The following SCHIP1 variants were observed in gnomAD, a reference collection of about 807,000 sequenced individuals.
The protein encoded by SCHIP1 is schwannomin interacting protein 1, also known as schwannomin-interacting protein 1.
SCHIP1 carries 8 observed loss-of-function variants against 29.7 expected under a neutral mutation model. The observed-to-expected ratio is 0.27, with a 90% confidence interval of 0.16 to 0.49. The LOEUF (loss-of-function observed/expected upper bound fraction) is 0.49, where lower values mean the gene tolerates loss of function less well. Ranked by LOEUF, SCHIP1 falls within the 20% of genes least tolerant of loss-of-function variation. The pLI, the probability that SCHIP1 is intolerant of heterozygous loss-of-function variation, is 0.99. For missense variants in SCHIP1, 193 were observed against 294.6 expected, an observed-to-expected ratio of 0.66 and a Z score of 2.52; for synonymous variants, 76 against 94.9, an observed-to-expected ratio of 0.80 and a Z score of 1.16.
At chr3:159,420,469 A>T in the SCHIP1 span, among the ~76,000 whole-genome samples, 26,714 of 152,164 alleles carry the variant, frequency 0.18, 2,613 homozygotes, top group South Asian at 0.37. Flanking sequence ...AAGAGTTAGG[A>T]ACAGGCTAGA....
the SCHIP1 span, among the ~76,000 whole-genome samples, chr3:159,384,541 G>A: frequency 2.5e-4 from 37 of 148,898 alleles, no homozygotes; most frequent in Middle Eastern, 3.4e-3. Flanking sequence ...TTGCATCAAT[G>A]TTCATCAAGG....
the SCHIP1 span, among the ~76,000 whole-genome samples, chr3:159,435,039 G>GTGCATAA: frequency 6.6e-6 from 1 of 152,096 alleles, no homozygotes; most frequent in Non-Finnish European, 1.5e-5. Context: ...TTTCATTTCT[G>GTGCATAA]TGCATAATAA....
At chr3:159,492,896 T>A in the SCHIP1 span, among the ~76,000 whole-genome samples, 1 of 152,174 alleles carries the variant, frequency 6.6e-6, no homozygotes, top group Non-Finnish European at 1.5e-5. Context: ...GACTAACAGC[T>A]GATCTCTCAG....
the SCHIP1 span, among the ~76,000 whole-genome samples, chr3:159,441,844 CTATTAT>C: frequency 2.6e-5 from 4 of 151,538 alleles, no homozygotes; most frequent in African/African-American, 9.7e-5. Flanking sequence ...GGCAAGGATT[CTATTAT>C]TATTATTACT....
chr3:159,792,789 ATAGT>A, the SCHIP1 span, among the ~76,000 whole-genome samples: 1 of 152,144 alleles, frequency 6.6e-6, no homozygotes, highest in African/African-American at 2.4e-5. Flanking sequence ...TTACAAGTTG[ATAGT>A]TTGTTTATTG....
the SCHIP1 span, among the ~76,000 whole-genome samples, chr3:159,406,884 T>C: frequency 2.0e-5 from 3 of 151,912 alleles, no homozygotes; most frequent in African/African-American, 7.3e-5. Context: ...TCAAAATGCA[T>C]ACAGCAGATA....
At chr3:159,275,672 T>C in the SCHIP1 span, among the ~76,000 whole-genome samples, 1 of 152,204 alleles carries the variant, frequency 6.6e-6, no homozygotes, top group Non-Finnish European at 1.5e-5. Flanking sequence ...TTGTTGTCTA[T>C]GTATTTATTT....
At chr3:159,695,501 C>T in the SCHIP1 span, among the ~76,000 whole-genome samples, 1 of 152,128 alleles carries the variant, frequency 6.6e-6, no homozygotes, top group East Asian at 1.9e-4. Flanking sequence ...TACCTGGTTA[C>T]TTTTTTCTCC....
chr3:159,380,632 C>G, the SCHIP1 span, among the ~76,000 whole-genome samples: 3 of 151,932 alleles, frequency 2.0e-5, no homozygotes, highest in African/African-American at 7.3e-5. Flanking sequence ...ATAATAATAT[C>G]TCTATTTGCT....
the SCHIP1 span, among the ~76,000 whole-genome samples, chr3:159,381,786 G>A: frequency 5.3e-5 from 8 of 151,936 alleles, no homozygotes; most frequent in East Asian, 1.9e-4. Context: ...TAGTAGAGAC[G>A]GGTTTCACCA....
At chr3:159,828,802 G>T in the SCHIP1 span, among the ~76,000 whole-genome samples, 1 of 151,990 alleles carries the variant, frequency 6.6e-6, no homozygotes, top group African/African-American at 2.4e-5. Context: ...GGCTATCTGT[G>T]CTGCTAAGAT....
At chr3:159,290,696 A>G in the SCHIP1 span, among the ~76,000 whole-genome samples, 8 of 152,224 alleles carry the variant, frequency 5.3e-5, no homozygotes, top group African/African-American at 1.9e-4. Flanking sequence ...TTAAAAGAAT[A>G]TTATGTAAGG....
the SCHIP1 span, among the ~76,000 whole-genome samples, chr3:159,669,098 AC>A: frequency 6.6e-6 from 1 of 152,018 alleles, no homozygotes; most frequent in Non-Finnish European, 1.5e-5. Flanking sequence ...CTCCAGCTCC[AC>A]CCCCGGGTCA....
the SCHIP1 span, among the ~76,000 whole-genome samples, chr3:159,544,477 A>G: frequency 1.3e-5 from 2 of 151,816 alleles, no homozygotes; most frequent in East Asian, 1.9e-4. Flanking sequence ...TCACAGTTCT[A>G]TCAGCATACT....
chr3:159,368,729 A>G, the SCHIP1 span, among the ~76,000 whole-genome samples: 30,632 of 152,040 alleles, frequency 0.2, 4,352 homozygotes, highest in African/African-American at 0.4. Flanking sequence ...ATGGTGAGAG[A>G]TAGGGGTAGA....
the SCHIP1 span, among the ~76,000 whole-genome samples, chr3:159,370,235 C>A: frequency 6.6e-6 from 1 of 152,176 alleles, no homozygotes; most frequent in African/African-American, 2.4e-5. Flanking sequence ...CTCTCATCTC[C>A]CCGATTCTCA....
chr3:159,477,573 T>C, the SCHIP1 span, among the ~76,000 whole-genome samples: 1 of 152,184 alleles, frequency 6.6e-6, no homozygotes, highest in Non-Finnish European at 1.5e-5. Context: ...TGTTGGCCAC[T>C]TGCATGTTTT....
the SCHIP1 span, among the ~76,000 whole-genome samples, chr3:159,482,206 A>G: frequency 4.6e-5 from 7 of 152,170 alleles, no homozygotes; most frequent in South Asian, 2.1e-4. Flanking sequence ...ACAGATGTCA[A>G]TATTGCCCCT....
the SCHIP1 span, among the ~76,000 whole-genome samples, chr3:159,461,864 A>T: frequency 2.6e-5 from 4 of 152,220 alleles, no homozygotes; most frequent in African/African-American, 2.4e-5. Flanking sequence ...AATTGATAGT[A>T]GATGATCATT....
Sources: allele counts gnomAD v4.1 joint callset (sites outside exome capture counted in the v4.1 genomes callset), GRCh38; gene constraint gnomAD v4.1.1; transcripts MANE v1.5; gene names NCBI Gene and HGNC (gene_info 2026-07-23, HGNC 2026-07-21).